The following RPS6KC1 variants were observed in gnomAD, a reference collection of about 807,000 sequenced individuals.
The protein encoded by RPS6KC1 is ribosomal protein S6 kinase C1, also known as inactive ribosomal protein S6 kinase delta-1.
RPS6KC1 carries 54 observed loss-of-function variants against 103.8 expected under a neutral mutation model. That is an observed-to-expected ratio of 0.52 (90% confidence interval 0.42 to 0.65). The LOEUF (loss-of-function observed/expected upper bound fraction) is 0.65, where lower values mean the gene tolerates loss of function less well. Among genes scored for constraint, RPS6KC1 ranks in the 30% least tolerant of loss-of-function variants. The pLI is 0.00. For missense variants in RPS6KC1, 1,151 were observed against 1,253.8 expected (o/e 0.92, Z 1.24); for synonymous variants, 439 against 438.7 (o/e 1.00, Z -0.01).
the RPS6KC1 span, among the ~76,000 whole-genome samples, chr1:213,684,272 C>A: frequency 6.6e-6 from 1 of 152,232 alleles, no homozygotes. Context: ...ACCCGGGGAG[C>A]TTTTGTTATT....
chr1:213,357,545 C>G, the RPS6KC1 span, among the ~76,000 whole-genome samples: 3 of 152,176 alleles, frequency 2.0e-5, no homozygotes, highest in Non-Finnish European at 4.4e-5. Flanking sequence ...AGACCTGGGG[C>G]AGTCAGGTGA....
the RPS6KC1 span, among the ~76,000 whole-genome samples, chr1:213,746,741 G>A: frequency 6.6e-6 from 1 of 152,186 alleles, no homozygotes; most frequent in South Asian, 2.1e-4. Context: ...GCGGTGAAGA[G>A]AGGTCAGTTT....
At chr1:213,504,156 CT>C in the RPS6KC1 span, among the ~76,000 whole-genome samples, 2 of 152,092 alleles carry the variant, frequency 1.3e-5, no homozygotes, top group African/African-American at 2.4e-5. Context: ...AATAATGTAT[CT>C]TTTTGAACAT....
chr1:213,065,391 T>C (rs1186659728), intron 1 of RPS6KC1, among the ~76,000 whole-genome samples: 1 of 152,220 alleles, frequency 6.6e-6, no homozygotes, highest in Non-Finnish European at 1.5e-5. Context: ...ATTACTGAGT[T>C]GCTAGCTCAG....
chr1:213,318,646 G>T, the RPS6KC1 span, among the ~76,000 whole-genome samples: 1 of 152,186 alleles, frequency 6.6e-6, no homozygotes, highest in Non-Finnish European at 1.5e-5. Context: ...CAAGTGGAAG[G>T]CAAGGAGGAG....
chr1:213,440,711 G>A, the RPS6KC1 span, among the ~76,000 whole-genome samples: 1 of 151,844 alleles, frequency 6.6e-6, no homozygotes, highest in Admixed American at 6.6e-5. Context: ...AGTTGGCCCT[G>A]TCAGAATGGG....
chr1:213,154,911 G>A (rs2089695332), intron 6 of RPS6KC1, among the ~76,000 whole-genome samples: 1 of 152,248 alleles, frequency 6.6e-6, no homozygotes, highest in South Asian at 2.1e-4. Context: ...AGCCGTAAGT[G>A]TAGTACCTGG....
the RPS6KC1 span, among the ~76,000 whole-genome samples, chr1:213,688,425 C>T: frequency 6.6e-6 from 1 of 152,196 alleles, no homozygotes; most frequent in Non-Finnish European, 1.5e-5. Flanking sequence ...TCTGATCTTT[C>T]AGTTCCCACA....
chr1:213,413,230 C>T, the RPS6KC1 span, among the ~76,000 whole-genome samples: 3 of 152,116 alleles, frequency 2.0e-5, no homozygotes, highest in Admixed American at 6.5e-5. Context: ...TTGAGGTATC[C>T]ATCACTTCAA....
At chr1:213,397,314 T>A in the RPS6KC1 span, among the ~76,000 whole-genome samples, 1 of 152,208 alleles carries the variant, frequency 6.6e-6, no homozygotes, top group African/African-American at 2.4e-5. Flanking sequence ...TTCTGCTTTC[T>A]TTTTTAAAAA....
At chr1:213,536,968 C>T in the RPS6KC1 span, among the ~76,000 whole-genome samples, 4 of 152,170 alleles carry the variant, frequency 2.6e-5, no homozygotes, top group Non-Finnish European at 4.4e-5. Context: ...ATGATATCTG[C>T]GTTCCTACAA....
chr1:213,571,111 G>A, the RPS6KC1 span, among the ~76,000 whole-genome samples: 1 of 152,308 alleles, frequency 6.6e-6, no homozygotes, highest in African/African-American at 2.4e-5. Flanking sequence ...GCTTTTGCCT[G>A]TACAGATGTG....
the RPS6KC1 span, among the ~76,000 whole-genome samples, chr1:213,488,181 T>A: frequency 3.3e-5 from 5 of 152,250 alleles, no homozygotes; most frequent in Admixed American, 2.6e-4. Flanking sequence ...AGGGGTGCCA[T>A]GCAGCTGTTC....
the RPS6KC1 span, among the ~76,000 whole-genome samples, chr1:213,826,515 C>T: frequency 2.6e-4 from 39 of 152,212 alleles, no homozygotes; most frequent in South Asian, 2.5e-3. Context: ...TAGGCAGAAC[C>T]GGCTATATAA....
the RPS6KC1 span, among the ~76,000 whole-genome samples, chr1:213,841,739 T>C: frequency 2.0e-5 from 3 of 152,240 alleles, no homozygotes; most frequent in Non-Finnish European, 4.4e-5. Flanking sequence ...AAATCAGACT[T>C]TTCCAGCAAA....
chr1:213,688,879 T>C, the RPS6KC1 span, among the ~76,000 whole-genome samples: 3 of 152,332 alleles, frequency 2.0e-5, no homozygotes, highest in South Asian at 6.2e-4. Flanking sequence ...CCCAGTCTGT[T>C]AGTAGGAAAA....
At chr1:213,355,323 C>T in the RPS6KC1 span, among the ~76,000 whole-genome samples, 13 of 151,998 alleles carry the variant, frequency 8.6e-5, no homozygotes, top group African/African-American at 2.9e-4. Context: ...TGTACAAGGG[C>T]GTGTCATTTT....
chr1:213,810,775 T>A, the RPS6KC1 span, among the ~76,000 whole-genome samples: 2 of 152,226 alleles, frequency 1.3e-5, no homozygotes, highest in South Asian at 4.1e-4. Flanking sequence ...TTTAATTCAT[T>A]ATTGATGTAA....
the RPS6KC1 span, among the ~76,000 whole-genome samples, chr1:213,540,637 C>G: frequency 6.6e-6 from 1 of 152,196 alleles, no homozygotes. Flanking sequence ...AGGCATGAGC[C>G]ACCATGTCTG....
Sources: allele counts gnomAD v4.1 joint callset (sites outside exome capture counted in the v4.1 genomes callset), GRCh38; gene constraint gnomAD v4.1.1; transcripts MANE v1.5; gene names NCBI Gene and HGNC (gene_info 2026-07-23, HGNC 2026-07-21).